The following PDS5B variants were observed in gnomAD, a reference collection of about 807,000 sequenced individuals.
PDS5B encodes the protein sister chromatid cohesion protein PDS5 homolog B.
A neutral mutation model predicts 184.1 loss-of-function variants in PDS5B; 51 were observed. That is an observed-to-expected ratio of 0.28 (90% CI 0.22 to 0.35). The LOEUF is 0.35. Ranked by LOEUF, PDS5B falls within the 10% of genes least tolerant of loss-of-function variation. The pLI is 1.00. For synonymous variants in PDS5B, 566 were observed against 569.2 expected, an observed-to-expected ratio of 0.99 and a Z score of 0.08; for missense variants, 1,180 against 1,723.3, an observed-to-expected ratio of 0.68 and a Z score of 5.58.
chr13:32,673,002 A>T (rs891800506), intron 7 of PDS5B, among the ~76,000 whole-genome samples: 6 of 152,180 alleles, frequency 3.9e-5, no homozygotes, highest in Non-Finnish European at 8.8e-5. Context: ...TGTTTATTGA[A>T]ATGTTTCAGT....
At chr13:32,773,009 G>A (rs1954841086) in intron 33 of PDS5B, among the ~76,000 whole-genome samples, 180 bp from the exon 34 acceptor site, 1 of 152,160 alleles carries the variant, frequency 6.6e-6, no homozygotes, top group African/African-American at 2.4e-5. Flanking sequence ...TAGATAATAT[G>A]TAACATTCTA....
intron 20 of PDS5B, among the ~76,000 whole-genome samples, chr13:32,734,816 T>C (rs1004446577): frequency 6.6e-6 from 1 of 152,176 alleles, no homozygotes; most frequent in East Asian, 1.9e-4. Context: ...GCCCAGGAAA[T>C]TGAAGTGGAT....
At chr13:32,712,892 G>A (rs1012249453) in intron 19 of PDS5B, among the ~76,000 whole-genome samples, 3 of 152,186 alleles carry the variant, frequency 2.0e-5, no homozygotes, top group East Asian at 1.9e-4. Context: ...CCAACTTTAC[G>A]GGAACAGAAG....
chr13:32,686,988 T>G (rs1566327781), intron 11 of PDS5B, 146 bp from the exon 12 acceptor site: 1 of 600,612 alleles, frequency 1.7e-6, no homozygotes, highest in East Asian at 3.2e-5. Context: ...TTTTAATAAA[T>G]GTAGTAATTA....
chr13:32,643,702 T>C (rs1260664554), intron 1 of PDS5B, among the ~76,000 whole-genome samples: 1 of 152,178 alleles, frequency 6.6e-6, no homozygotes, highest in Non-Finnish European at 1.5e-5. Flanking sequence ...TAACATACTG[T>C]ACAGGTTTGT....
intron 1 of PDS5B, among the ~76,000 whole-genome samples, chr13:32,599,198 G>T (rs2057933384): frequency 6.6e-6 from 1 of 152,080 alleles, no homozygotes; most frequent in South Asian, 2.1e-4. Context: ...ATATTGAGTA[G>T]GATAAAGTTA....
At chr13:32,678,538 A>G (rs1245842933) in intron 9 of PDS5B, among the ~76,000 whole-genome samples, 12 of 152,206 alleles carry the variant, frequency 7.9e-5, no homozygotes, top group Non-Finnish European at 1.2e-4. Flanking sequence ...ATTTGAGAGT[A>G]TAACGTTGAT....
intron 3 of PDS5B, among the ~76,000 whole-genome samples, chr13:32,657,450 A>G (rs1405811661): frequency 6.6e-6 from 1 of 152,138 alleles, no homozygotes; most frequent in Non-Finnish European, 1.5e-5. Context: ...TGACCCTATC[A>G]GTGTCGTTGC....
At chr13:32,603,500 C>T (rs940291873) in intron 1 of PDS5B, among the ~76,000 whole-genome samples, 10 of 152,116 alleles carry the variant, frequency 6.6e-5, no homozygotes, top group Non-Finnish European at 1.5e-4. Flanking sequence ...TTACTGTAGC[C>T]TTGTAGTATA....
At chr13:32,730,070 TGGTTTTA>T (rs1278453782) in intron 19 of PDS5B, among the ~76,000 whole-genome samples, 1 of 152,092 alleles carries the variant, frequency 6.6e-6, no homozygotes, top group East Asian at 1.9e-4. Context: ...AGGTTTTTTA[TGGTTTTA>T]GGTTTTCCAT....
chr13:32,646,788 T>A (rs569925470), intron 1 of PDS5B, among the ~76,000 whole-genome samples: 2 of 152,326 alleles, frequency 1.3e-5, no homozygotes, highest in South Asian at 4.1e-4. Context: ...GTACTTTATA[T>A]ATAAATACTT....
intron 2 of PDS5B, chr13:32,649,159 A>G (rs1321437940): frequency 3.8e-6 from 1 of 264,312 alleles, no homozygotes; most frequent in East Asian, 1.0e-4. Flanking sequence ...CTTATTGTCT[A>G]TACAAAGTTG....
intron 19 of PDS5B, among the ~76,000 whole-genome samples, chr13:32,712,856 A>G (rs1952251231): frequency 6.6e-6 from 1 of 152,232 alleles, no homozygotes; most frequent in Non-Finnish European, 1.5e-5. Flanking sequence ...AAGACTAAGG[A>G]AAATCATGAA....
intron 22 of PDS5B, among the ~76,000 whole-genome samples, chr13:32,741,826 A>G (rs114302432): frequency 0.015 from 2,323 of 151,970 alleles, 61 homozygotes; most frequent in African/African-American, 0.054. Flanking sequence ...GACTTGTACA[A>G]TAGCCCCACC....
intron 19 of PDS5B, among the ~76,000 whole-genome samples, chr13:32,712,291 G>C (rs1459085187): frequency 1.3e-5 from 2 of 152,136 alleles, no homozygotes; most frequent in African/African-American, 4.8e-5. Flanking sequence ...TAAAATATTT[G>C]ATTTATATAC....
intron 19 of PDS5B, among the ~76,000 whole-genome samples, chr13:32,728,136 T>C (rs1952973627): frequency 6.6e-6 from 1 of 151,816 alleles, no homozygotes. Flanking sequence ...CTATTTGTGT[T>C]CTTTTTTTAT....
At chr13:32,596,119 A>G (rs946659330) in intron 1 of PDS5B, among the ~76,000 whole-genome samples, 2 of 152,216 alleles carry the variant, frequency 1.3e-5, no homozygotes, top group African/African-American at 4.8e-5. Flanking sequence ...TTAGCTGTTC[A>G]CTTTGATGAG....
rs150418349 is a variant in PDS5B at position 32,664,509 on chromosome 13, G to C, written c.625-3255G>C. Among the ~76,000 whole-genome samples, 14 of 152,264 alleles carry C rather than the reference G, an allele frequency of 9.2e-5. No individual in the cohort carries two copies. The East Asian group carries it at 2.3e-3, about 25-fold the overall frequency. ...GTTGAGAGATTTACTGTTTATGGAA[G>C]GGGAGACTTAGTATCATAATGATGT... On this transcript the variant is annotated intron_variant, in intron 6 of 34. Transcript: ENST00000315596.
chr13:32,720,850 T>G (rs376182382), intron 19 of PDS5B, among the ~76,000 whole-genome samples: 3 of 152,064 alleles, frequency 2.0e-5, no homozygotes, highest in Non-Finnish European at 1.5e-5. Flanking sequence ...TGACTCTTAA[T>G]GAGCATGCTG....
Sources: gnomAD v4.1 joint callset for allele counts (sites outside exome capture counted in the v4.1 genomes callset) on GRCh38, gnomAD v4.1.1 for gene constraint, MANE v1.5 for transcripts, NCBI Gene and HGNC (gene_info 2026-07-23, HGNC 2026-07-21) for gene names.